The following MCPH1 variants were observed in gnomAD, a reference collection of about 807,000 sequenced individuals.
MCPH1 encodes the protein microcephalin.
In MCPH1, 104 loss-of-function variants were observed where a neutral mutation model predicts 84.5. That is an observed-to-expected ratio of 1.23 (90% confidence interval 1.05 to 1.45). The LOEUF is 1.45. MCPH1 is among the 40% of genes most tolerant of loss of function. The pLI is 0.00. For synonymous variants in MCPH1, 514 were observed against 366.8 expected (o/e 1.40, Z -4.58); for missense variants, 1,498 against 1,005.7 (o/e 1.49, Z -6.62).
chr8:6,431,523 T>G lies in MCPH1; in HGVS notation c.258T>G (p.Ile86Met). 2 of 1,613,662 alleles carry G rather than the reference T, an allele frequency of 1.2e-6. No individual in the cohort carries two copies. Among genetic ancestry groups the G allele is most frequent in the Non-Finnish European group, 1.7e-6 (2 of 1,179,742 alleles). ...VEKCRTAGAH[I>M]DESLFPAANM... ...GATGCAGGACAGCTGGAGCACACATTGATGAATCATTGTTCCCTGCAGCTA... is the reference window on the plus strand; with the variant it reads ...GATGCAGGACAGCTGGAGCACACATGGATGAATCATTGTTCCCTGCAGCTA... The change falls in exon 4 of 14, where the codon ATT becomes ATG. Residue 86 changes from isoleucine (I) to methionine (M), a missense_variant. Transcript: ENST00000344683.
chr8:6,508,688 G>C (rs532624065), intron 12 of MCPH1: 2 of 603,102 alleles, frequency 3.3e-6, no homozygotes, highest in Non-Finnish European at 5.8e-6. Context: ...CCCTCTCCTT[G>C]CCAGGGCTAG....
intron 12 of MCPH1, among the ~76,000 whole-genome samples, chr8:6,550,693 T>A (rs1383780762): frequency 6.6e-6 from 1 of 152,198 alleles, no homozygotes; most frequent in East Asian, 1.9e-4. Flanking sequence ...AAAATCTGTT[T>A]TATTGTAAGA....
intron 12 of MCPH1, among the ~76,000 whole-genome samples, chr8:6,613,363 C>T (rs889232783): frequency 4.6e-5 from 7 of 152,148 alleles, no homozygotes; most frequent in African/African-American, 9.7e-5. Flanking sequence ...GCGGCGATGC[C>T]GGTGCAGAGA....
At chr8:6,411,417 A>C (rs1585568015) in intron 2 of MCPH1, among the ~76,000 whole-genome samples, 1 of 152,370 alleles carries the variant, frequency 6.6e-6, no homozygotes, top group East Asian at 1.9e-4. Flanking sequence ...TAAATTTGGC[A>C]GAACTAATTT....
chr8:6,534,233 A>G (rs945490305), intron 12 of MCPH1, among the ~76,000 whole-genome samples: 4 of 152,230 alleles, frequency 2.6e-5, no homozygotes, highest in Non-Finnish European at 4.4e-5. Context: ...ACAACAATAA[A>G]AAACAAAAAT....
chr8:6,474,301 G>T (rs1003742016), intron 9 of MCPH1: 2 of 512,346 alleles, frequency 3.9e-6, no homozygotes, highest in Admixed American at 3.1e-5. Flanking sequence ...CTGATATGTG[G>T]TTTTTCCAAC....
At chr8:6,474,223 G>T in intron 9 of MCPH1, 1 of 640,130 alleles carries the variant, frequency 1.6e-6, no homozygotes. Context: ...CTTCATCATA[G>T]TCGTCATACA....
At chr8:6,562,090 A>C (rs925365541) in intron 12 of MCPH1, among the ~76,000 whole-genome samples, 3 of 152,238 alleles carry the variant, frequency 2.0e-5, no homozygotes, top group Non-Finnish European at 2.9e-5. Flanking sequence ...TCTGAGAAAC[A>C]TAAGGTCTGC....
intron 3 of MCPH1, among the ~76,000 whole-genome samples, chr8:6,424,964 C>T (rs1800841088): frequency 6.6e-6 from 1 of 152,198 alleles, no homozygotes; most frequent in Admixed American, 6.5e-5. Context: ...TGTACTTTTC[C>T]TGAATTGACT....
intron 12 of MCPH1, among the ~76,000 whole-genome samples, chr8:6,599,993 C>T (rs1051483020): frequency 3.3e-5 from 5 of 152,218 alleles, no homozygotes; most frequent in Non-Finnish European, 7.3e-5. Flanking sequence ...CTGTGGTTTT[C>T]TTTCTCTATG....
chr8:6,491,938 C>T (rs531910160), intron 11 of MCPH1, among the ~76,000 whole-genome samples: 6 of 152,288 alleles, frequency 3.9e-5, no homozygotes, highest in South Asian at 2.1e-4. Context: ...AGTAAACACA[C>T]GTGTGCATGT....
chr8:6,408,662 C>G (rs73196750), intron 1 of MCPH1, among the ~76,000 whole-genome samples: 25,455 of 151,934 alleles, frequency 0.17, 2,302 homozygotes, highest in Middle Eastern at 0.28. Context: ...CTTCTCCACC[C>G]TACCCACCCC....
intron 12 of MCPH1, among the ~76,000 whole-genome samples, chr8:6,541,245 C>A (rs1463688544): frequency 6.6e-6 from 1 of 152,100 alleles, no homozygotes; most frequent in Non-Finnish European, 1.5e-5. Context: ...GCTTTGAGGC[C>A]CCTTTAATGA....
At chr8:6,527,755 C>T (rs1391792096) in intron 12 of MCPH1, 1 of 1,288,740 alleles carries the variant, frequency 7.8e-7, no homozygotes, top group Non-Finnish European at 1.1e-6. Flanking sequence ...ATTAAAGTAC[C>T]CAAGCTACAG....
At chr8:6,433,478 C>T (rs1042255944) in intron 4 of MCPH1, among the ~76,000 whole-genome samples, 1 of 151,680 alleles carries the variant, frequency 6.6e-6, no homozygotes, top group African/African-American at 2.4e-5. Context: ...ACTAAAAATA[C>T]AAAAATTAGC....
chr8:6,452,700 T>A (rs1312843706), intron 8 of MCPH1, among the ~76,000 whole-genome samples: 1 of 152,202 alleles, frequency 6.6e-6, no homozygotes, highest in Non-Finnish European at 1.5e-5. Context: ...TGGCTTCCTC[T>A]CTCTCTGCCA....
intron 11 of MCPH1, among the ~76,000 whole-genome samples, chr8:6,497,417 C>T (rs1429626175): frequency 6.6e-6 from 1 of 152,090 alleles, no homozygotes; most frequent in Non-Finnish European, 1.5e-5. Flanking sequence ...TCAGGAGAAT[C>T]ACTTGAACCT....
intron 9 of MCPH1, among the ~76,000 whole-genome samples, chr8:6,474,816 T>G (rs1207610923): frequency 6.6e-6 from 1 of 152,132 alleles, no homozygotes; most frequent in African/African-American, 2.4e-5. Context: ...CTTGGTGACA[T>G]AGCGAGAGAC....
At chr8:6,569,045 C>G (rs896819888) in intron 12 of MCPH1, among the ~76,000 whole-genome samples, 2 of 152,212 alleles carry the variant, frequency 1.3e-5, no homozygotes, top group East Asian at 1.9e-4. Flanking sequence ...TTTGAGACAT[C>G]TTGGCCATCC....
Sources: allele counts gnomAD v4.1 joint callset (sites outside exome capture counted in the v4.1 genomes callset), GRCh38; gene constraint gnomAD v4.1.1; transcripts MANE v1.5; gene names NCBI Gene and HGNC (gene_info 2026-07-23, HGNC 2026-07-21).